Variants in ATP13A3 observed in about 807,000 individuals in gnomAD.
ATP13A3 encodes ATPase 13A3, also known as polyamine-transporting ATPase 13A3.
ATP13A3 carries 59 observed loss-of-function variants against 158.1 expected under a neutral mutation model. The observed-to-expected ratio is 0.37, with a 90% CI of 0.30 to 0.46. The LOEUF (loss-of-function observed/expected upper bound fraction) is 0.46, where lower values mean the gene tolerates loss of function less well. ATP13A3 is among the 20% of genes least tolerant of loss of function. ATP13A3 has a pLI of 1.00. For synonymous variants in ATP13A3, 491 were observed against 504.3 expected (o/e 0.97, Z 0.35); for missense variants, 1,166 against 1,525.2 (o/e 0.76, Z 3.92).
In ATP13A3 at chr3:194,448,724, A is replaced by C. The variant is rs539090390; in HGVS notation, c.971-88T>G. The stretch of plus-strand genomic sequence containing the variant: ...CAGTATCGAACACCAAAAAATATTA[A>C]ATTGTTAAATATTTTAAATGCTACC... On this transcript the variant is annotated intron_variant, in intron 11 of 33. Coordinates refer to ENST00000645319, the MANE Select transcript of ATP13A3 (RefSeq NM_001367549.1). This position sits in a 1 kb window ranked among gnomAD's most constrained non-coding sequence, Gnocchi z 4.0. 3 of 1,256,918 alleles carry C rather than the reference A, an allele frequency of 2.4e-6. No individual in the cohort carries two copies. The South Asian group carries it at 4.5e-5, about 19-fold the overall frequency. The allele number at this position is 1,256,918 out of a possible 1,614,324, so 77.9% of individuals were successfully genotyped here.
At chr3:194,429,364 G>A (rs1307493099) in intron 27 of ATP13A3, among the ~76,000 whole-genome samples, 1 of 152,180 alleles carries the variant, frequency 6.6e-6, no homozygotes, top group South Asian at 2.1e-4. Flanking sequence ...ATGGGATAGT[G>A]TCACCATGAG....
chr3:194,487,940 C>G (rs1032283154), upstream of ATP13A3: 1 of 152,464 alleles, frequency 6.6e-6, no homozygotes, highest in Non-Finnish European at 1.5e-5. Flanking sequence ...AGCCCTTAGT[C>G]CCTGGACACT....
intron 16 of ATP13A3, among the ~76,000 whole-genome samples, chr3:194,441,072 G>C (rs981829581): frequency 2.2e-4 from 33 of 152,154 alleles, no homozygotes; most frequent in African/African-American, 8.0e-4. Flanking sequence ...CACAAAGCAG[G>C]GGCCTGAGCT....
intron 33 of ATP13A3, among the ~76,000 whole-genome samples, chr3:194,410,905 T>C (rs1715359466): frequency 8.2e-6 from 1 of 122,098 alleles, no homozygotes; most frequent in African/African-American, 3.9e-5. Context: ...GAGGTAACTA[T>C]ATATATGGGG....
chr3:194,440,747 A>G (rs1374655088), intron 16 of ATP13A3, among the ~76,000 whole-genome samples: 1 of 152,232 alleles, frequency 6.6e-6, no homozygotes, highest in African/African-American at 2.4e-5. Flanking sequence ...TTCAGAAGCC[A>G]GAAGGGAACT....
intron 21 of ATP13A3, 106 bp downstream of exon 21, chr3:194,433,666 A>G (rs980719324): frequency 1.4e-6 from 2 of 1,403,990 alleles, no homozygotes; most frequent in African/African-American, 2.9e-5. Flanking sequence ...GGTTGAAACC[A>G]CTATAGACTA....
chr3:194,460,953 A>T (rs1719614744), intron 3 of ATP13A3, 122 bp from the exon 4 acceptor site: 2 of 1,028,554 alleles, frequency 1.9e-6, no homozygotes, highest in South Asian at 4.0e-5. Flanking sequence ...ATAAACTGTA[A>T]ATATTTTCCA....
At chr3:194,424,816 T>C (rs376802178) in intron 30 of ATP13A3, among the ~76,000 whole-genome samples, 1 of 152,164 alleles carries the variant, frequency 6.6e-6, no homozygotes, top group African/African-American at 2.4e-5. Flanking sequence ...TGCAATAGCA[T>C]GCAAAGATAC....
At position 194,460,843 on chromosome 3, in the gene ATP13A3, C is replaced by A; in HGVS notation, c.52-12G>T. On this transcript the variant is annotated splice_polypyrimidine_tract_variant and intron_variant, in intron 3 of 33. Transcript: ENST00000645319. ...TAACCATAAATCTCCTGCATGGACA[C>A]AGCGATCACATGATTAATTATCAAA... 6.2e-7 allele frequency: 1 copy of A among 1,603,978 alleles called. No individual in the cohort carries two copies. Among genetic ancestry groups the A allele is most frequent in the Non-Finnish European group, 8.5e-7 (1 of 1,175,038 alleles).
chr3:194,483,266 A>C (rs1720827264), intron 2 of ATP13A3, among the ~76,000 whole-genome samples: 1 of 151,536 alleles, frequency 6.6e-6, no homozygotes, highest in South Asian at 2.1e-4. Flanking sequence ...CCTGAGTGAG[A>C]GAGCGAGACT....
intron 2 of ATP13A3, among the ~76,000 whole-genome samples, chr3:194,484,572 C>T (rs1043579632): frequency 8.7e-6 from 1 of 114,600 alleles, no homozygotes; most frequent in Non-Finnish European, 1.6e-5. Context: ...GGAACTTTAT[C>T]TTTATTCTGT....
chr3:194,420,168 C>T (rs189634381), intron 30 of ATP13A3: 13 of 362,656 alleles, frequency 3.6e-5, no homozygotes, highest in African/African-American at 2.2e-4. Context: ...ACATACACAA[C>T]GTGATGTTAT....
chr3:194,489,261 T>C (rs949938386), upstream of ATP13A3, among the ~76,000 whole-genome samples: 15 of 152,138 alleles, frequency 9.9e-5, no homozygotes, highest in African/African-American at 3.1e-4. The surrounding 1 kb of genome is among the most constrained non-coding windows in gnomAD (Gnocchi z 4.1). Flanking sequence ...CCTGACAACA[T>C]GGTGAAACCT....
At chr3:194,473,424 C>T (rs1720394025) in intron 2 of ATP13A3, among the ~76,000 whole-genome samples, 1 of 150,354 alleles carries the variant, frequency 6.7e-6, no homozygotes, top group African/African-American at 2.5e-5. Context: ...TATTACAGAA[C>T]AAGACGATGT....
intron 31 of ATP13A3, among the ~76,000 whole-genome samples, chr3:194,417,892 T>C (rs1375690663): frequency 6.7e-6 from 1 of 149,724 alleles, no homozygotes; most frequent in Non-Finnish European, 1.5e-5. Flanking sequence ...GCCCAGGAGG[T>C]CGAGGCCACA....
In ATP13A3 at chr3:194,404,176, T is replaced by G. The variant is rs780629086; in HGVS notation, c.*1743A>C. 6.8e-6 allele frequency: 3 copies of G among 442,996 alleles called. No individual in the cohort carries two copies. 27.4% of individuals were successfully genotyped at this position (442,996 alleles called of 1,614,324 possible). On this transcript the variant is annotated 3_prime_UTR_variant, in exon 34 of 34. Coordinates refer to ENST00000645319, the MANE Select transcript of ATP13A3 (RefSeq NM_001367549.1). ...TAGTGCTAATTCACAGCTCAAGAGG[T>G]CTAAGATGCATAGCTTCATAGAATC...
chr3:194,410,329 A>AC (rs1715305855), intron 33 of ATP13A3, among the ~76,000 whole-genome samples: 2 of 149,096 alleles, frequency 1.3e-5, no homozygotes, highest in African/African-American at 4.9e-5. Context: ...AAAAAAAAAA[A>AC]AACTGCTGGG....
chr3:194,437,912 C>A (rs1315761420), intron 17 of ATP13A3, among the ~76,000 whole-genome samples: 1 of 152,204 alleles, frequency 6.6e-6, no homozygotes, highest in East Asian at 1.9e-4. Context: ...GTAATCCCAG[C>A]ACTTTGGGAG....
At position 194,448,445 on chromosome 3, in the gene ATP13A3, GAT is replaced by G. The variant is rs769336219; in HGVS notation, c.1150+10_1150+11del. 3 of 1,608,596 alleles carry G rather than the reference GAT, an allele frequency of 1.9e-6. No individual in the cohort carries two copies. The South Asian group carries it at 3.3e-5, about 18-fold the overall frequency. On this transcript the variant is annotated intron_variant, in intron 12 of 33. Coordinates refer to ENST00000645319, the MANE Select transcript of ATP13A3 (RefSeq NM_001367549.1). The surrounding 1 kb of genome is among the most constrained non-coding windows in gnomAD (Gnocchi z 4.0). Reference sequence around the variant, plus strand: ...AAACATGCAAAAAGAGATTAATTAAGATGTTTCCTACCTGTTCTAACAACTAT... The same window carrying G: ...AAACATGCAAAAAGAGATTAATTAAGGTTTCCTACCTGTTCTAACAACTAT...
Sources: allele counts gnomAD v4.1 joint callset (sites outside exome capture counted in the v4.1 genomes callset), GRCh38; gene constraint gnomAD v4.1.1; non-coding constraint Gnocchi (gnomAD v3.1); transcripts MANE v1.5; gene names NCBI Gene and HGNC (gene_info 2026-07-23, HGNC 2026-07-21).